BMP5: variants seen among roughly 807,000 people sequenced by gnomAD.
BMP5 encodes the protein bone morphogenetic protein 5.
In BMP5, 23 loss-of-function variants were observed where a neutral mutation model predicts 46.6. The ratio of observed to expected loss-of-function variants is 0.49; its 90% CI spans 0.35 to 0.70. The LOEUF (loss-of-function observed/expected upper bound fraction) is 0.70. Among genes scored for constraint, BMP5 ranks in the 30% least tolerant of loss-of-function variants. The probability of loss-of-function intolerance (pLI) is 0.00; values close to 1 mark genes in which losing one functional copy is unlikely to be tolerated. For synonymous variants in BMP5, 204 were observed against 191.9 expected, an observed-to-expected ratio of 1.06 and a Z score of -0.52; for missense variants, 545 against 565.6, an observed-to-expected ratio of 0.96 and a Z score of 0.37.
At chr6:55,858,656 A>G (rs945432106) in intron 1 of BMP5, among the ~76,000 whole-genome samples, 2 of 152,218 alleles carry the variant, frequency 1.3e-5, no homozygotes, top group Middle Eastern at 3.2e-3. Flanking sequence ...CTGAAAAGCA[A>G]TTTAGTGTAT....
At chr6:55,788,847 T>C (rs1302789363) in intron 3 of BMP5, among the ~76,000 whole-genome samples, 1 of 151,936 alleles carries the variant, frequency 6.6e-6, no homozygotes, top group African/African-American at 2.4e-5. Context: ...CTCATTTAAA[T>C]ATCAAAACTT....
intron 2 of BMP5, 40 bp downstream of exon 2, chr6:55,819,615 T>G: frequency 6.6e-7 from 1 of 1,522,160 alleles, no homozygotes; most frequent in Non-Finnish European, 9.1e-7. Flanking sequence ...AAATTTTACA[T>G]ATATTTGCCA....
Position 55,773,863 on chromosome 6 carries a change from T to C in BMP5, c.1027+186A>G, listed in dbSNP as rs184817109. ...TTTCAACATATGAAGGCAACTCATATGTATTTTAAAATGAATTACTGAGTG... is the reference window on the plus strand; with the variant it reads ...TTTCAACATATGAAGGCAACTCATACGTATTTTAAAATGAATTACTGAGTG... On this transcript the variant is annotated intron_variant, in intron 4 of 6. Transcript: ENST00000370830. Among the ~76,000 whole-genome samples the C allele has an allele frequency of 3.7e-4, 57 of 152,054 alleles. 1 individual carries two copies. The South Asian group carries it at 7.3e-3, about 19-fold the overall frequency.
Position 55,755,413 on chromosome 6 carries a change from A to G in BMP5, c.*120T>C, listed in dbSNP as rs570374276. 128 of 921,380 alleles carry G rather than the reference A, an allele frequency of 1.4e-4. No homozygotes were observed. The African/African-American group carries it at 2.0e-3, about 15-fold the overall frequency. The allele number at this position is 921,380 out of a possible 1,614,324, so 57.1% of individuals were successfully genotyped here. On this transcript the variant is annotated 3_prime_UTR_variant, in exon 7 of 7. Coordinates refer to ENST00000370830, the MANE Select transcript of BMP5 (RefSeq NM_021073.4). ...TATATACATGATATTGTACATAGGA[A>G]AAGAGTCAAAATGAGCCAGACTAAT...
chr6:55,802,730 T>C (rs899383565), intron 2 of BMP5, among the ~76,000 whole-genome samples: 4 of 152,018 alleles, frequency 2.6e-5, no homozygotes, highest in East Asian at 3.9e-4. Context: ...TAAATATATA[T>C]GTATTTTTGC....
intron 2 of BMP5, among the ~76,000 whole-genome samples, chr6:55,813,187 G>A (rs1397317790): frequency 6.6e-6 from 1 of 152,016 alleles, no homozygotes. Flanking sequence ...CAGAAGTTGG[G>A]AATGCTATTT....
At chr6:55,806,555 C>T (rs1775994343) in intron 2 of BMP5, among the ~76,000 whole-genome samples, 1 of 152,070 alleles carries the variant, frequency 6.6e-6, no homozygotes, top group Non-Finnish European at 1.5e-5. Context: ...TCTACAGACT[C>T]CTTTTTGATT....
chr6:55,866,092 T>C (rs1582132135), intron 1 of BMP5, among the ~76,000 whole-genome samples: 2 of 152,250 alleles, frequency 1.3e-5, no homozygotes, highest in Middle Eastern at 6.8e-3. Flanking sequence ...TGCATCAAGG[T>C]TATTTGCAGA....
chr6:55,784,694 T>C (rs1393824697), intron 3 of BMP5, among the ~76,000 whole-genome samples: 1 of 151,830 alleles, frequency 6.6e-6, no homozygotes, highest in African/African-American at 2.4e-5. Context: ...TGTTACATAT[T>C]GTGGACCACA....
intron 2 of BMP5, among the ~76,000 whole-genome samples, chr6:55,808,281 G>C (rs1416407363): frequency 6.6e-6 from 1 of 152,188 alleles, no homozygotes; most frequent in African/African-American, 2.4e-5. Context: ...CAGCTGATGT[G>C]TTTGGCTGTG....
intron 2 of BMP5, among the ~76,000 whole-genome samples, chr6:55,796,760 T>G (rs1332559168): frequency 1.3e-5 from 2 of 151,474 alleles, no homozygotes; most frequent in Non-Finnish European, 2.9e-5. Flanking sequence ...GTTTGGTTCT[T>G]TGTTCTTGCG....
intron 1 of BMP5, among the ~76,000 whole-genome samples, chr6:55,854,804 T>C (rs1777345164): frequency 6.6e-6 from 1 of 152,152 alleles, no homozygotes; most frequent in South Asian, 2.1e-4. Context: ...AATACTCAAT[T>C]TCAATTTGCA....
At chr6:55,808,026 G>C (rs954668784) in intron 2 of BMP5, among the ~76,000 whole-genome samples, 1 of 152,128 alleles carries the variant, frequency 6.6e-6, no homozygotes, top group Non-Finnish European at 1.5e-5. Flanking sequence ...GTACTTCAGT[G>C]GGGGGAGAAA....
chr6:55,773,835 A>C (rs563679052), intron 4 of BMP5, among the ~76,000 whole-genome samples: 3 of 151,906 alleles, frequency 2.0e-5, no homozygotes, highest in Non-Finnish European at 4.4e-5. Flanking sequence ...TTTGAACTGA[A>C]TCTTTCAACA....
At chr6:55,774,423 A>G (rs898664713) in intron 3 of BMP5, among the ~76,000 whole-genome samples, 180 bp from the exon 4 acceptor site, 3 of 151,904 alleles carry the variant, frequency 2.0e-5, no homozygotes, top group Non-Finnish European at 2.9e-5. Context: ...TTATCCATCT[A>G]TGGTGTTACA....
Position 55,820,204 on chromosome 6 carries a change from T to C in BMP5, c.491-357A>G, listed in dbSNP as rs1423449680. ...AAATTCTGAATATGTTACCGTAACC[T>C]CCAGAGTTCCAGGTGAAATGACTGG... On this transcript the variant is annotated intron_variant, in intron 1 of 6. Coordinates refer to ENST00000370830, the MANE Select transcript of BMP5 (RefSeq NM_021073.4). 2.0e-5 allele frequency among the ~76,000 whole-genome samples: 3 copies of C among 152,066 alleles called. No individual in the cohort carries two copies. In the East Asian group the frequency reaches 5.8e-4, roughly 29 times the overall value.
chr6:55,821,553 C>G (rs1776410349), intron 1 of BMP5, among the ~76,000 whole-genome samples: 1 of 152,078 alleles, frequency 6.6e-6, no homozygotes, highest in Admixed American at 6.6e-5. Context: ...TACAGTAACA[C>G]CACCTCACAT....
At chr6:55,860,978 G>A (rs550800481) in intron 1 of BMP5, among the ~76,000 whole-genome samples, 2 of 152,188 alleles carry the variant, frequency 1.3e-5, no homozygotes, top group East Asian at 3.8e-4. Flanking sequence ...CAATGAGTGA[G>A]CTATGGAAAG....
intron 2 of BMP5, among the ~76,000 whole-genome samples, chr6:55,798,782 G>A (rs1012060018): frequency 6.6e-6 from 1 of 152,126 alleles, no homozygotes; most frequent in African/African-American, 2.4e-5. Context: ...GTTTAAACAT[G>A]TCTAGTTATA....
Sources: allele counts gnomAD v4.1 joint callset (sites outside exome capture counted in the v4.1 genomes callset), GRCh38; gene constraint gnomAD v4.1.1; transcripts MANE v1.5; gene names NCBI Gene and HGNC (gene_info 2026-07-23, HGNC 2026-07-21).